The following LPP variants were observed in gnomAD, a reference collection of about 807,000 sequenced individuals.
The protein encoded by LPP is lipoma-preferred partner.
LPP carries 38 observed loss-of-function variants against 60.4 expected under a neutral mutation model. The ratio of observed to expected loss-of-function variants is 0.63; its 90% CI spans 0.49 to 0.83. The LOEUF (loss-of-function observed/expected upper bound fraction) is 0.83, where lower values mean the gene tolerates loss of function less well. Ranked by LOEUF, LPP falls within the 40% of genes least tolerant of loss-of-function variation. The probability of loss-of-function intolerance (pLI) is 0.00; values close to 1 mark genes in which losing one functional copy is unlikely to be tolerated. For synonymous variants in LPP, 328 were observed against 290.8 expected, an observed-to-expected ratio of 1.13 and a Z score of -1.30; for missense variants, 902 against 783.6, an observed-to-expected ratio of 1.15 and a Z score of -1.80.
chr3:188,313,652 T>A (rs56171247), intron 2 of LPP, among the ~76,000 whole-genome samples: 178 of 149,104 alleles, frequency 1.2e-3, no homozygotes, highest in Non-Finnish European at 1.7e-3. Context: ...AAAAAAAAAA[T>A]AAAATAAAAT....
intron 2 of LPP, among the ~76,000 whole-genome samples, chr3:188,233,037 T>G (rs1475484538): frequency 6.6e-6 from 1 of 152,204 alleles, no homozygotes; most frequent in Non-Finnish European, 1.5e-5. Context: ...TAGGCCATTA[T>G]CTCATGTCCT....
chr3:188,731,697 T>G (rs1017079540), intron 8 of LPP, among the ~76,000 whole-genome samples: 3 of 151,974 alleles, frequency 2.0e-5, no homozygotes, highest in African/African-American at 7.3e-5. Context: ...TAACTTTTTG[T>G]ATTTTCAGTA....
chr3:188,680,760 A>T (rs189583213), intron 7 of LPP, among the ~76,000 whole-genome samples: 8 of 152,298 alleles, frequency 5.3e-5, no homozygotes, highest in Admixed American at 3.3e-4. Context: ...CTTTGAAAGG[A>T]TCATTGTGCT....
chr3:188,356,774 G>T (rs1767729813), intron 3 of LPP, among the ~76,000 whole-genome samples: 2 of 152,176 alleles, frequency 1.3e-5, no homozygotes, highest in Admixed American at 6.5e-5. Context: ...TTTAATCTTT[G>T]CATCATTTTA....
At chr3:188,188,971 A>G (rs899049592) in intron 1 of LPP, among the ~76,000 whole-genome samples, 5 of 152,240 alleles carry the variant, frequency 3.3e-5, no homozygotes, top group African/African-American at 1.2e-4. Flanking sequence ...CCTAAGCTTA[A>G]TGACTCACAG....
intron 9 of LPP, among the ~76,000 whole-genome samples, chr3:188,792,241 A>G (rs1436457416): frequency 6.6e-6 from 1 of 152,208 alleles, no homozygotes; most frequent in African/African-American, 2.4e-5. Flanking sequence ...GAACACCTGG[A>G]ATGGTTCCCG....
intron 4 of LPP, among the ~76,000 whole-genome samples, chr3:188,426,405 G>A (rs1184169177): frequency 6.6e-6 from 1 of 152,146 alleles, no homozygotes; most frequent in African/African-American, 2.4e-5. Context: ...ATGTGATGTG[G>A]TTCTTAGAAG....
At chr3:188,274,363 A>C (rs1440629031) in intron 2 of LPP, among the ~76,000 whole-genome samples, 1 of 152,256 alleles carries the variant, frequency 6.6e-6, no homozygotes, top group East Asian at 1.9e-4. Flanking sequence ...CCTGTCAAAT[A>C]GTCCCAGACT....
chr3:188,400,447 T>C (rs1362532564), intron 3 of LPP, among the ~76,000 whole-genome samples: 2 of 152,148 alleles, frequency 1.3e-5, no homozygotes, highest in African/African-American at 4.8e-5. Context: ...TGTGTGGCCA[T>C]TGAAAATTTG....
At chr3:188,371,109 T>G (rs1772929656) in intron 3 of LPP, among the ~76,000 whole-genome samples, 1 of 152,138 alleles carries the variant, frequency 6.6e-6, no homozygotes, top group Non-Finnish European at 1.5e-5. Context: ...CTTCCTTCTC[T>G]GTATGGTGCT....
chr3:188,662,745 A>G (rs941276676), intron 7 of LPP, among the ~76,000 whole-genome samples: 1 of 152,226 alleles, frequency 6.6e-6, no homozygotes, highest in East Asian at 1.9e-4. Context: ...GTGAATCAGC[A>G]TATTGCCTAT....
chr3:188,244,277 G>A (rs1726086065), intron 2 of LPP, among the ~76,000 whole-genome samples: 1 of 152,200 alleles, frequency 6.6e-6, no homozygotes, highest in Non-Finnish European at 1.5e-5. Context: ...TCGTTGAGGT[G>A]GGAACTTCTT....
chr3:188,277,367 A>G (rs1020143714), intron 2 of LPP, among the ~76,000 whole-genome samples: 1 of 152,114 alleles, frequency 6.6e-6, no homozygotes, highest in African/African-American at 2.4e-5. Context: ...GCCCCAGAGT[A>G]TTGTCAACTC....
At chr3:188,775,562 A>G (rs1737479822) in intron 9 of LPP, among the ~76,000 whole-genome samples, 1 of 152,194 alleles carries the variant, frequency 6.6e-6, no homozygotes, top group Non-Finnish European at 1.5e-5. Context: ...GTTATTATAC[A>G]TTCCTATTAG....
intron 1 of LPP, among the ~76,000 whole-genome samples, chr3:188,199,167 C>T (rs1252391013): frequency 1.3e-5 from 2 of 152,174 alleles, no homozygotes; most frequent in African/African-American, 4.8e-5. Flanking sequence ...GACTTCCTCA[C>T]AGCCTGGTGG....
intron 4 of LPP, among the ~76,000 whole-genome samples, chr3:188,416,043 C>G (rs1016882693): frequency 4.6e-5 from 7 of 151,904 alleles, no homozygotes; most frequent in African/African-American, 1.5e-4. Flanking sequence ...TTTAGGGAAC[C>G]TGGGTAAAAT....
Position 188,883,941 on chromosome 3 carries a change from G to A in LPP, c.*9462G>A, listed in dbSNP as rs907824094. 3.7e-5 allele frequency: 8 copies of A among 215,614 alleles called. No homozygotes were observed. Among genetic ancestry groups the A allele is most frequent in the African/African-American group, 1.8e-4 (8 of 44,376 alleles). The allele number at this position is 215,614 out of a possible 1,614,324, so 13.4% of individuals were successfully genotyped here. ...GAAATGTACAAATGCTTTCCTCATT[G>A]CTCTGGATGACTATTTAGTTTAAAT... On this transcript the variant is annotated 3_prime_UTR_variant, in exon 12 of 12. Transcript: ENST00000617246.
At chr3:188,164,942 TA>T (rs1719486773) in intron 1 of LPP, among the ~76,000 whole-genome samples, 1 of 151,934 alleles carries the variant, frequency 6.6e-6, no homozygotes, top group Non-Finnish European at 1.5e-5. Context: ...AGAGGTCACA[TA>T]AATCATCAAG....
chr3:188,532,625 C>G (rs1159848994), intron 6 of LPP, among the ~76,000 whole-genome samples: 1 of 152,180 alleles, frequency 6.6e-6, no homozygotes, highest in Non-Finnish European at 1.5e-5. Flanking sequence ...TCCCTGAGGT[C>G]CCCTCTCTGA....
Sources: allele counts gnomAD v4.1 joint callset (sites outside exome capture counted in the v4.1 genomes callset), GRCh38; gene constraint gnomAD v4.1.1; transcripts MANE v1.5; gene names NCBI Gene and HGNC (gene_info 2026-07-23, HGNC 2026-07-21).